CCNY: variants seen among roughly 807,000 people sequenced by gnomAD.
CCNY encodes cyclin Y, also known as cyclin-Y.
Under a neutral mutation model 42.8 loss-of-function variants are expected in CCNY, and 19 were observed. The ratio of observed to expected loss-of-function variants is 0.44; its 90% CI spans 0.31 to 0.65. The LOEUF (loss-of-function observed/expected upper bound fraction) is 0.65, where lower values mean the gene tolerates loss of function less well. Among genes scored for constraint, CCNY ranks in the 30% least tolerant of loss-of-function variants. CCNY has a pLI of 0.07. For missense variants in CCNY, 370 were observed against 437.3 expected (o/e 0.85, Z 1.37); for synonymous variants, 165 against 162.7 (o/e 1.01, Z -0.11).
At chr10:35,498,037 G>A (rs1362980852) in intron 2 of CCNY, among the ~76,000 whole-genome samples, 3 of 152,278 alleles carry the variant, frequency 2.0e-5, no homozygotes, top group African/African-American at 4.8e-5. Context: ...TACAGTGCAA[G>A]CACATGAGGC....
chr10:35,498,071 C>T (rs973358262), intron 2 of CCNY, among the ~76,000 whole-genome samples: 16 of 152,124 alleles, frequency 1.1e-4, no homozygotes, highest in African/African-American at 3.4e-4. Context: ...GGAAGAGGTG[C>T]ACAGGGCGAG....
intron 1 of CCNY, among the ~76,000 whole-genome samples, chr10:35,399,125 G>A (rs1837588389): frequency 6.6e-6 from 1 of 152,216 alleles, no homozygotes; most frequent in African/African-American, 2.4e-5. Context: ...TTTCTCACAT[G>A]GTTTCTTCCC....
intron 1 of CCNY, among the ~76,000 whole-genome samples, chr10:35,444,084 C>T (rs1267354015): frequency 6.6e-6 from 1 of 152,164 alleles, no homozygotes; most frequent in Non-Finnish European, 1.5e-5. Flanking sequence ...GATCCTTTGT[C>T]TTAGGGTTGA....
At chr10:35,449,214 G>A (rs746149083) in intron 1 of CCNY, among the ~76,000 whole-genome samples, 1 of 149,570 alleles carries the variant, frequency 6.7e-6, no homozygotes, top group Non-Finnish European at 1.5e-5. Flanking sequence ...ACCACGCAGC[G>A]AGGAGGGAAG....
chr10:35,445,125 C>A lies in CCNY; in HGVS notation c.155-38279C>A, dbSNP rs560500723. On this transcript the variant is annotated intron_variant, in intron 1 of 9. Coordinates refer to ENST00000374704, the MANE Select transcript of CCNY (RefSeq NM_145012.6). ...TGGAACTGCTTGTGGGTGGTTGGCA[C>A]TGTAGGTCTGGAAGTCAGTGGAGGA... 3.9e-4 allele frequency among the ~76,000 whole-genome samples: 59 copies of A among 152,222 alleles called. 1 individual carries two copies. The South Asian group carries it at 3.9e-3, about 10-fold the overall frequency.
At chr10:35,432,737 G>A (rs1257180533) in intron 1 of CCNY, among the ~76,000 whole-genome samples, 1 of 152,088 alleles carries the variant, frequency 6.6e-6, no homozygotes, top group African/African-American at 2.4e-5. Flanking sequence ...TTTAATTATG[G>A]TTAACTTTGG....
chr10:35,330,410 T>C (rs1438294828), intron 3 of CCNY, among the ~76,000 whole-genome samples: 1 of 152,158 alleles, frequency 6.6e-6, no homozygotes, highest in Non-Finnish European at 1.5e-5. Flanking sequence ...TGGATTCTCC[T>C]ATAGGGAGCC....
intron 3 of CCNY, among the ~76,000 whole-genome samples, chr10:35,253,363 C>A (rs1162948424): frequency 6.6e-6 from 1 of 151,772 alleles, no homozygotes; most frequent in Non-Finnish European, 1.5e-5. Flanking sequence ...GAGCCTCCTA[C>A]CCTAGCCTCC....
intron 3 of CCNY, among the ~76,000 whole-genome samples, chr10:35,262,286 A>G (rs1426151335): frequency 1.4e-5 from 2 of 146,678 alleles, no homozygotes; most frequent in Non-Finnish European, 3.0e-5. Context: ...AAAAGAATTG[A>G]ATAGTATGAG....
intron 1 of CCNY, among the ~76,000 whole-genome samples, chr10:35,448,073 C>T (rs1838831113): frequency 6.6e-6 from 1 of 152,174 alleles, no homozygotes; most frequent in Non-Finnish European, 1.5e-5. Flanking sequence ...GTGAAGGAGA[C>T]CGCCTTCACT....
rs115029316 is a variant in CCNY, at chr10:35,305,912, C to A, written c.-9+55286C>A. ...TGCTTGGGATCATTAGAGTGGGTTT[C>A]ATTTCTATCACAGAAGGAGTTGATA... On this transcript the variant is annotated intron_variant, in intron 3 of 11. Coordinates refer to the CCNY transcript ENST00000374706. Among the ~76,000 whole-genome samples, 347 of 152,288 alleles carry A rather than the reference C, an allele frequency of 2.3e-3. 1 individual carries two copies. Among genetic ancestry groups the A allele is most frequent in the African/African-American group, 7.9e-3 (327 of 41,554 alleles).
chr10:35,265,395 G>T (rs2095724155), intron 3 of CCNY, among the ~76,000 whole-genome samples: 1 of 152,200 alleles, frequency 6.6e-6, no homozygotes, highest in African/African-American at 2.4e-5. Flanking sequence ...AAATAATGAT[G>T]TGTATGTTTA....
intron 1 of CCNY, among the ~76,000 whole-genome samples, chr10:35,368,669 T>C (rs181314293): frequency 4.3e-4 from 59 of 137,032 alleles, no homozygotes; most frequent in African/African-American, 1.7e-3. Context: ...CCCTCCGGCA[T>C]TGACTGCTCT....
upstream of CCNY, among the ~76,000 whole-genome samples, chr10:35,333,799 T>G (rs1450962235): frequency 6.6e-6 from 1 of 152,206 alleles, no homozygotes; most frequent in Non-Finnish European, 1.5e-5. Context: ...GTTACTGTTC[T>G]GCAATTTTTC....
chr10:35,545,536 A>G (rs558718975), intron 7 of CCNY, among the ~76,000 whole-genome samples: 5 of 152,248 alleles, frequency 3.3e-5, no homozygotes, highest in South Asian at 4.1e-4. Flanking sequence ...AAGGGCCCCA[A>G]TCATATTGTG....
intron 1 of CCNY, among the ~76,000 whole-genome samples, chr10:35,421,237 T>C (rs1016237216): frequency 2.6e-5 from 4 of 152,228 alleles, no homozygotes; most frequent in Non-Finnish European, 5.9e-5. Context: ...GGAATTTCTT[T>C]GTTAAATTCA....
intron 1 of CCNY, among the ~76,000 whole-genome samples, chr10:35,412,860 C>CAAAAAAAAAAAAAAAAAAAAAAA (rs10558250): frequency 5.8e-5 from 2 of 34,752 alleles, no homozygotes; most frequent in African/African-American, 1.0e-4. Flanking sequence ...GACTCTGTCT[C>CAAAAAAAAAAAAAAAAAAAAAAA]AAAAAAAAAA....
chr10:35,568,390 C>G (rs895007650), intron 9 of CCNY, among the ~76,000 whole-genome samples: 13 of 152,232 alleles, frequency 8.5e-5, no homozygotes, highest in African/African-American at 2.9e-4. Context: ...CTTTTACCAT[C>G]AGCCAGTTCT....
At chr10:35,453,426 C>T (rs1838961711) in intron 1 of CCNY, among the ~76,000 whole-genome samples, 1 of 152,032 alleles carries the variant, frequency 6.6e-6, no homozygotes, top group South Asian at 2.1e-4. Flanking sequence ...TTTTCTTTTT[C>T]CTTTATAATC....
Sources: gnomAD v4.1 joint callset for allele counts (sites outside exome capture counted in the v4.1 genomes callset) on GRCh38, gnomAD v4.1.1 for gene constraint, MANE v1.5 for transcripts, NCBI Gene and HGNC (gene_info 2026-07-23, HGNC 2026-07-21) for gene names.